Variants in PTCHD4 observed in about 807,000 individuals in gnomAD.
PTCHD4 encodes patched domain containing 4.
Under a neutral mutation model 58.1 loss-of-function variants are expected in PTCHD4, and 33 were observed. The observed-to-expected ratio is 0.57, with a 90% CI of 0.43 to 0.76. The LOEUF (loss-of-function observed/expected upper bound fraction) is 0.76. Among genes scored for constraint, PTCHD4 ranks in the 30% least tolerant of loss-of-function variants. The pLI, the probability that PTCHD4 is intolerant of heterozygous loss-of-function variation, is 0.00. For missense variants in PTCHD4, 1,058 were observed against 1,027.1 expected (o/e 1.03, Z -0.41); for synonymous variants, 478 against 409.6 (o/e 1.17, Z -2.02).
At chr6:47,934,713 T>TC (rs1333425974) in intron 4 of PTCHD4, among the ~76,000 whole-genome samples, 1 of 152,102 alleles carries the variant, frequency 6.6e-6, no homozygotes, top group Non-Finnish European at 1.5e-5. Flanking sequence ...AATAAATCAC[T>TC]CCCCAAAATA....
chr6:48,068,385 G>T lies in PTCHD4; in HGVS notation c.262C>A (p.Leu88Ile), dbSNP rs762914378. 67 of 1,613,882 alleles carry T rather than the reference G, an allele frequency of 4.2e-5. No individual in the cohort carries two copies. The highest frequency in any genetic ancestry group is 5.4e-5 in the Non-Finnish European group (64 of 1,179,894). ...AKIERSLASS[L>I]FPLDQSKSQL... Reference sequence around the variant, plus strand: ...CTTTTGGACTGGTCCAGGGGGAAAAGGCTGCTGGCCAGGCTGCGCTCGATC... The same window carrying T: ...CTTTTGGACTGGTCCAGGGGGAAAATGCTGCTGGCCAGGCTGCGCTCGATC... The change falls in exon 3 of 5, where the codon CTT (leucine) becomes ATT (isoleucine). Residue 88 changes from leucine to isoleucine, a missense_variant. Leu to Ile is a conservative substitution (Grantham distance 5, BLOSUM62 2). Transcript: ENST00000339488. The surrounding 1 kb of genome is among the most constrained non-coding windows in gnomAD (Gnocchi z 4.2).
intron 1 of PTCHD4, among the ~76,000 whole-genome samples, chr6:48,108,540 C>T (rs1765795569): frequency 6.6e-6 from 1 of 151,890 alleles, no homozygotes; most frequent in Non-Finnish European, 1.5e-5. Context: ...CAACATGGCA[C>T]ATGTATACAT....
chr6:47,918,052 G>T (rs202028399), intron 4 of PTCHD4, among the ~76,000 whole-genome samples: 6 of 152,004 alleles, frequency 3.9e-5, no homozygotes, highest in African/African-American at 2.4e-5. Context: ...TTCTAAGTAC[G>T]TGTTTTCTAT....
intron 3 of PTCHD4, among the ~76,000 whole-genome samples, chr6:48,013,456 T>C (rs1762760724): frequency 6.7e-6 from 1 of 149,960 alleles, no homozygotes; most frequent in South Asian, 2.1e-4. Context: ...TGGAATCAAA[T>C]GGAAATTTTG....
Position 47,935,975 on chromosome 6 carries a change from G to C in PTCHD4, c.899-56039C>G, listed in dbSNP as rs150056218. 1.8e-3 allele frequency among the ~76,000 whole-genome samples: 271 copies of C among 152,308 alleles called. 2 individuals carry two copies. Among genetic ancestry groups the C allele is most frequent in the African/African-American group, 6.1e-3 (252 of 41,572 alleles). On this transcript the variant is annotated intron_variant, in intron 4 of 4. Transcript: ENST00000339488. ...GATAAGGTGACATTTAAGCAGACGA[G>C]AGAATGTCAGAGATACAATGGGCAT...
rs147897304 is a variant in PTCHD4 at position 48,045,802 on chromosome 6, C to G, written c.417+22428G>C. On this transcript the variant is annotated intron_variant, in intron 3 of 4. Coordinates refer to ENST00000339488, the MANE Select transcript of PTCHD4 (RefSeq NM_001384253.1). ...TCTTTTTTTTTTTTCCCACTCAGCT[C>G]TGCAGCTTTGAGTACAGAGATTGAC... Among the ~76,000 whole-genome samples, 17 of 148,900 alleles carry G rather than the reference C, an allele frequency of 1.1e-4. No individual in the cohort carries two copies. The East Asian group carries it at 3.4e-3, about 29-fold the overall frequency.
intron 3 of PTCHD4, among the ~76,000 whole-genome samples, chr6:48,058,493 C>G (rs1430737288): frequency 6.6e-6 from 1 of 151,914 alleles, no homozygotes; most frequent in African/African-American, 2.4e-5. Context: ...GAAAAAGTTA[C>G]AGATGTGGAA....
Position 47,861,261 on chromosome 6 carries a change from GA to G in PTCHD4, c.*17041del, listed in dbSNP as rs570721952. ...AAATAGAAGAGGTGGCAACAGGGTA[GA>G]AAACGACTCATTAACACTCCTTGCT... On this transcript the variant is annotated 3_prime_UTR_variant, in exon 5 of 5. Coordinates refer to ENST00000339488, the MANE Select transcript of PTCHD4 (RefSeq NM_001384253.1). Among the ~76,000 whole-genome samples, 1 of 151,776 alleles carries G rather than the reference GA, an allele frequency of 6.6e-6. No homozygotes were observed. The highest frequency in any genetic ancestry group is 6.6e-5 in the Admixed American group (1 of 15,216).
At chr6:48,072,048 A>C (rs1193502431) in intron 1 of PTCHD4, among the ~76,000 whole-genome samples, 1 of 152,176 alleles carries the variant, frequency 6.6e-6, no homozygotes, top group African/African-American at 2.4e-5. Flanking sequence ...ACTCAACTGA[A>C]GTGGCATTTT....
At chr6:47,889,731 G>C (rs923638000) in intron 4 of PTCHD4, among the ~76,000 whole-genome samples, 19 of 151,002 alleles carry the variant, frequency 1.3e-4, no homozygotes, top group South Asian at 6.4e-4. Context: ...TTAAATGTTA[G>C]ACCTAAAACC....
chr6:48,051,101 A>T (rs1206316440), intron 3 of PTCHD4, among the ~76,000 whole-genome samples: 1 of 151,976 alleles, frequency 6.6e-6, no homozygotes, highest in African/African-American at 2.4e-5. Context: ...GTAAACTGTG[A>T]GATAACATTT....
At chr6:48,075,188 G>T (rs1407552147) in intron 1 of PTCHD4, among the ~76,000 whole-genome samples, 4 of 152,094 alleles carry the variant, frequency 2.6e-5, no homozygotes. Context: ...CATCAAAGAT[G>T]ACTCATGGGT....
chr6:47,987,705 G>T (rs1768123965), intron 4 of PTCHD4, among the ~76,000 whole-genome samples: 1 of 151,992 alleles, frequency 6.6e-6, no homozygotes, highest in African/African-American at 2.4e-5. Context: ...TTCAAACTTG[G>T]ATTTCCAAAG....
rs28370564 is a variant in PTCHD4 at position 47,861,382 on chromosome 6, A to G, written c.*16921T>C. Among the ~76,000 whole-genome samples the G allele has an allele frequency of 9.9e-4, 151 of 152,082 alleles. 1 individual carries two copies. The East Asian group carries it at 0.025, about 25-fold the overall frequency. On this transcript the variant is annotated 3_prime_UTR_variant, in exon 5 of 5. Coordinates refer to ENST00000339488, the MANE Select transcript of PTCHD4 (RefSeq NM_001384253.1). ...TTACTAGTATTTATTTCTTTTGGGTAAAATTATGAGTTTGGGAACCTATTT... is the reference window on the plus strand; with the variant it reads ...TTACTAGTATTTATTTCTTTTGGGTGAAATTATGAGTTTGGGAACCTATTT...
intron 4 of PTCHD4, among the ~76,000 whole-genome samples, chr6:47,904,298 G>C (rs1371471287): frequency 1.3e-5 from 2 of 152,194 alleles, no homozygotes; most frequent in Non-Finnish European, 2.9e-5. Flanking sequence ...ATCTAAAGCT[G>C]TGTTTCTAGG....
chr6:47,965,755 C>A (rs1390291425), intron 4 of PTCHD4, among the ~76,000 whole-genome samples: 1 of 151,948 alleles, frequency 6.6e-6, no homozygotes, highest in East Asian at 1.9e-4. Flanking sequence ...GGTGAAACCC[C>A]GTCTCTACTA....
intron 4 of PTCHD4, among the ~76,000 whole-genome samples, chr6:47,947,895 T>C (rs1426318027): frequency 1.3e-5 from 2 of 152,210 alleles, no homozygotes; most frequent in Non-Finnish European, 2.9e-5. Context: ...TCTGGGACTA[T>C]GATTAAAGGT....
intron 4 of PTCHD4, among the ~76,000 whole-genome samples, chr6:47,962,130 A>G (rs1245251359): frequency 6.6e-6 from 1 of 152,186 alleles, no homozygotes; most frequent in Non-Finnish European, 1.5e-5. Flanking sequence ...TATTATGAAA[A>G]ACTTCATGTC....
chr6:47,899,238 A>G (rs955211775), intron 4 of PTCHD4, among the ~76,000 whole-genome samples: 3 of 152,170 alleles, frequency 2.0e-5, no homozygotes, highest in Admixed American at 6.5e-5. Flanking sequence ...TTGCCCTTTC[A>G]CTTATTTTGC....
Sources: allele counts gnomAD v4.1 joint callset (sites outside exome capture counted in the v4.1 genomes callset), GRCh38; gene constraint gnomAD v4.1.1; non-coding constraint Gnocchi (gnomAD v3.1); transcripts MANE v1.5; gene names NCBI Gene and HGNC (gene_info 2026-07-23, HGNC 2026-07-21).